The following KRT7 variants were observed in gnomAD, a reference collection of about 807,000 sequenced individuals.
KRT7 encodes keratin 7, also known as keratin, type II cytoskeletal 7.
A neutral mutation model predicts 42.8 loss-of-function variants in KRT7; 50 were observed. The ratio of observed to expected loss-of-function variants is 1.17; its 90% CI spans 0.93 to 1.48. The LOEUF (loss-of-function observed/expected upper bound fraction) is 1.48, where lower values mean the gene tolerates loss of function less well. Among genes scored for constraint, KRT7 ranks in the 40% most tolerant of loss-of-function variants. The pLI is 0.00. For missense variants in KRT7, 588 were observed against 637.6 expected (o/e 0.92, Z 0.84); for synonymous variants, 268 against 266.3 (o/e 1.01, Z -0.06).
chr12:52,248,558 C>T lies in KRT7; in HGVS notation c.1241-33C>T, dbSNP rs73317419. On this transcript the variant is annotated intron_variant, in intron 8 of 8. Transcript: ENST00000331817. Reference sequence around the variant, plus strand: ...ATGGGGTCCCTGGTAGGGAGCCTCACGCTGAAGAGAGCCCTCCTCTTTTCT... The same window carrying T: ...ATGGGGTCCCTGGTAGGGAGCCTCATGCTGAAGAGAGCCCTCCTCTTTTCT... 3.4e-3 allele frequency: 5,170 copies of T among 1,536,898 alleles called. 163 individuals carry two copies. In the African/African-American group the frequency reaches 0.063, roughly 19 times the overall value.
intron 5 of KRT7, chr12:52,241,873 A>G (rs955300499): frequency 3.1e-6 from 1 of 326,936 alleles, no homozygotes; most frequent in Admixed American, 4.8e-5. Context: ...CTTACACAGT[A>G]CTAGGCTCAT....
intron 5 of KRT7, among the ~76,000 whole-genome samples, chr12:52,242,728 C>T (rs1338768091): frequency 1.3e-5 from 2 of 152,078 alleles, no homozygotes; most frequent in African/African-American, 4.8e-5. Context: ...ATCTCAAACT[C>T]TCAGTGATTC....
intron 1 of KRT7, 133 bp downstream of exon 1, chr12:52,233,753 G>T: frequency 1.1e-6 from 1 of 899,182 alleles, no homozygotes; most frequent in Non-Finnish European, 1.8e-6. Context: ...CCAGTGTTGG[G>T]GACACGATCT....
chr12:52,248,025 G>A (rs1271427465), intron 7 of KRT7, 152 bp from the exon 8 acceptor site: 6 of 725,954 alleles, frequency 8.3e-6, no homozygotes, highest in Non-Finnish European at 4.7e-6. Flanking sequence ...ATGCCTCCTC[G>A]CTCCTTTTAC....
At chr12:52,248,468 C>T (rs977817683) in intron 8 of KRT7, 123 bp from the exon 9 acceptor site, 1 of 1,097,866 alleles carries the variant, frequency 9.1e-7, no homozygotes, top group African/African-American at 1.6e-5. Flanking sequence ...TGGGTTGGCC[C>T]ATGGAGGGGG....
intron 4 of KRT7, 81 bp downstream of exon 4, chr12:52,238,856 G>T: frequency 1.1e-6 from 1 of 888,784 alleles, no homozygotes; most frequent in Non-Finnish European, 1.9e-6. Flanking sequence ...CCCCGCCTCT[G>T]TGTCAGTCCA....
At chr12:52,252,298 G>A (rs531039729), downstream of KRT7, 37 of 1,614,016 alleles carry the variant, frequency 2.3e-5, 1 homozygote, top group South Asian at 2.6e-4. Context: ...CCTGTAGGTG[G>A]CGATCTCAAA....
chr12:52,251,122 G>A (rs1245888595), downstream of KRT7, among the ~76,000 whole-genome samples: 1 of 152,148 alleles, frequency 6.6e-6, no homozygotes, highest in Admixed American at 6.5e-5. Flanking sequence ...TGGGATTACA[G>A]GTGTCCATCA....
At chr12:52,240,498 C>T (rs143228484) in intron 4 of KRT7, among the ~76,000 whole-genome samples, 3,890 of 151,994 alleles carry the variant, frequency 0.026, 75 homozygotes, top group Middle Eastern at 0.051. Context: ...GGCATGGTGG[C>T]GGGTGCCTGT....
downstream of KRT7, chr12:52,248,942 C>A: frequency 1.9e-6 from 1 of 523,564 alleles, no homozygotes; most frequent in Non-Finnish European, 3.1e-6. Flanking sequence ...ATCCTGGCTT[C>A]ATGAGGCTGG....
chr12:52,252,444 T>TG (rs1409838844), downstream of KRT7: 1 of 1,614,136 alleles, frequency 6.2e-7, no homozygotes, highest in Non-Finnish European at 8.5e-7. Flanking sequence ...CTCACCCTGC[T>TG]GCTCAGACTG....
chr12:52,243,125 C>A lies in KRT7; in HGVS notation c.972C>A (p.Asn324Lys). 1.2e-6 allele frequency: 2 copies of A among 1,612,228 alleles called. No individual in the cohort carries two copies. Among genetic ancestry groups the A allele is most frequent in the Non-Finnish European group, 1.7e-6 (2 of 1,179,032 alleles). The stretch of plus-strand genomic sequence containing the variant: ...AGAGGCTGCAGGCTGAGATCGACAA[C>A]ATCAAGAACCAGGTGGGACAAGTCC... Reference protein sequence around the residue: ...AIQRLQAEIDNIKNQRAKLEA... With the variant: ...AIQRLQAEIDKIKNQRAKLEA... The change falls in exon 6 of 9, where the codon AAC becomes AAA. Residue 324 changes from asparagine to lysine, a missense_variant. Coordinates refer to ENST00000331817, the MANE Select transcript of KRT7 (RefSeq NM_005556.4).
Position 52,243,137 on chromosome 12 carries a change from G to T in KRT7, c.984G>T (p.Gln328His). 6.2e-7 allele frequency: 1 copy of T among 1,610,452 alleles called. No individual in the cohort carries two copies. The highest frequency in any genetic ancestry group is 1.3e-5 in the African/African-American group (1 of 74,864). Reference sequence around the variant, plus strand: ...CTGAGATCGACAACATCAAGAACCAGGTGGGACAAGTCCTCCTGGCTTCCC... The same window carrying T: ...CTGAGATCGACAACATCAAGAACCATGTGGGACAAGTCCTCCTGGCTTCCC... ...LQAEIDNIKNQRAKLEAAIAE... is the reference protein window; with the variant it reads ...LQAEIDNIKNHRAKLEAAIAE... The change falls in exon 6 of 9, where the codon CAG becomes CAT. Residue 328 changes from glutamine (Q) to histidine (H), a missense_variant and splice_region_variant. Coordinates refer to ENST00000331817, the MANE Select transcript of KRT7 (RefSeq NM_005556.4).
downstream of KRT7, chr12:52,252,471 A>G: frequency 6.2e-7 from 1 of 1,614,000 alleles, no homozygotes; most frequent in East Asian, 2.2e-5. Context: ...CGCGGCCTCC[A>G]GCTTGGAGTT....
In KRT7 at chr12:52,243,035, T is replaced by G. The variant is rs753491647; in HGVS notation, c.882T>G (p.Ala294=). Residue 294 remains alanine (A), a synonymous_variant, in exon 6 of 9, where the codon GCT becomes GCG. Coordinates refer to ENST00000331817, the MANE Select transcript of KRT7 (RefSeq NM_005556.4). ...AGTTTGAGACCCTCCAGGCCCAGGC[T>G]GGGAAGCATGGGGACGACCTCCGGA... ...QTKFETLQAQ[A]GKHGDDLRNT... 6.2e-7 allele frequency: 1 copy of G among 1,613,758 alleles called. No homozygotes were observed. The highest frequency in any genetic ancestry group is 8.5e-7 in the Non-Finnish European group (1 of 1,179,810).
chr12:52,239,641 G>C (rs1398421656), intron 4 of KRT7, among the ~76,000 whole-genome samples: 2 of 152,124 alleles, frequency 1.3e-5, no homozygotes, highest in Admixed American at 1.3e-4. Flanking sequence ...AAGGAACCAG[G>C]AGGAGGTCAG....
At chr12:52,248,423 T>TG (rs1259766889) in intron 8 of KRT7, among the ~76,000 whole-genome samples, 168 bp from the exon 9 acceptor site, 10 of 150,722 alleles carry the variant, frequency 6.6e-5, no homozygotes, top group African/African-American at 2.4e-4. Flanking sequence ...CAGGAGCACC[T>TG]GGGGAGCAGC....
downstream of KRT7, chr12:52,253,877 C>A: frequency 2.4e-6 from 1 of 424,016 alleles, no homozygotes; most frequent in Non-Finnish European, 4.7e-6. Flanking sequence ...TGTCTGAAGC[C>A]CCACCCTCCC....
At chr12:52,242,945 G>A in intron 5 of KRT7, 67 bp from the exon 6 acceptor site, 1 of 1,512,058 alleles carries the variant, frequency 6.6e-7, no homozygotes, top group Non-Finnish European at 8.9e-7. Context: ...CTTGGGTGGG[G>A]AGAGGGATGA....
Sources: gnomAD v4.1 joint callset for allele counts (sites outside exome capture counted in the v4.1 genomes callset) on GRCh38, gnomAD v4.1.1 for gene constraint, MANE v1.5 for transcripts, NCBI Gene and HGNC (gene_info 2026-07-23, HGNC 2026-07-21) for gene names.